Variants in PCDHGB1 observed in about 807,000 individuals in gnomAD.
PCDHGB1 encodes the protein protocadherin gamma subfamily B, 1, also known as protocadherin gamma-B1.
PCDHGB1 carries 34 observed loss-of-function variants against 56.6 expected under a neutral mutation model. The observed-to-expected ratio is 0.60, with a 90% CI of 0.46 to 0.80. The LOEUF (loss-of-function observed/expected upper bound fraction) is 0.80. Among genes scored for constraint, PCDHGB1 ranks in the 30% least tolerant of loss-of-function variants. The pLI is 0.00. For synonymous variants in PCDHGB1, 561 were observed against 505.9 expected (o/e 1.11, Z -1.46); for missense variants, 1,278 against 1,204.6 (o/e 1.06, Z -0.90).
intron 1 of PCDHGB1, chr5:141,427,597 T>C: frequency 1.5e-6 from 1 of 682,152 alleles, no homozygotes; most frequent in Non-Finnish European, 2.7e-6. Context: ...AGCCTCACCC[T>C]ACGCATTGGT....
At position 141,477,576 on chromosome 5, in the gene PCDHGB1, C is replaced by A; in HGVS notation, c.2410-17231C>A. The A allele has an allele frequency of 6.2e-7, 1 of 1,614,162 alleles. No homozygotes were observed. The highest frequency in any genetic ancestry group is 8.5e-7 in the Non-Finnish European group (1 of 1,180,026). On this transcript the variant is annotated intron_variant, in intron 1 of 3. Transcript: ENST00000523390. The surrounding 1 kb of genome is among the most constrained non-coding windows in gnomAD (Gnocchi z 4.9). ...CTAAGTGTCTGGGACCCCGACGCCC[C>A]GCAGAATGCTCGGCTTTCTTTCTTT...
chr5:141,351,557 A>G lies in PCDHGB1; in HGVS notation c.1297A>G (p.Ser433Gly). Residue 433 changes from serine (S) to glycine (G), a missense_variant, in exon 1 of 4, where the codon AGC becomes GGC. Coordinates refer to ENST00000523390, the MANE Select transcript of PCDHGB1 (RefSeq NM_018922.3). ...KGKPALSSRT[S>G]ITLHISDIND... Reference sequence around the variant, plus strand: ...CAAACCAGCCCTTTCCTCCAGGACAAGCATCACCCTGCACATCTCCGACAT... The same window carrying G: ...CAAACCAGCCCTTTCCTCCAGGACAGGCATCACCCTGCACATCTCCGACAT... 2 of 1,614,024 alleles carry G rather than the reference A, an allele frequency of 1.2e-6. No individual in the cohort carries two copies. The highest frequency in any genetic ancestry group is 1.7e-6 in the Non-Finnish European group (2 of 1,179,896).
intron 1 of PCDHGB1, among the ~76,000 whole-genome samples, chr5:141,406,594 G>A (rs1463823326): frequency 1.3e-5 from 2 of 152,068 alleles, no homozygotes; most frequent in Non-Finnish European, 2.9e-5. Context: ...CCCTTTAATG[G>A]TGAAAGTTGT....
At chr5:141,507,797 C>T (rs933921827) in intron 3 of PCDHGB1, among the ~76,000 whole-genome samples, 3 of 152,240 alleles carry the variant, frequency 2.0e-5, no homozygotes, top group Non-Finnish European at 2.9e-5. Flanking sequence ...TCTAAGCCTG[C>T]GCCCTGGGGA....
intron 2 of PCDHGB1, among the ~76,000 whole-genome samples, chr5:141,497,643 G>A (rs773129390): frequency 6.6e-6 from 1 of 151,192 alleles, no homozygotes; most frequent in African/African-American, 2.4e-5. Context: ...AGGTTCAAGC[G>A]ATTCTCCTGC....
At chr5:141,410,438 G>T (rs957017717) in intron 1 of PCDHGB1, 1 of 1,613,894 alleles carries the variant, frequency 6.2e-7, no homozygotes, top group African/African-American at 1.3e-5. Flanking sequence ...CTACAGTGAG[G>T]GGACTTTGCC....
intron 1 of PCDHGB1, among the ~76,000 whole-genome samples, chr5:141,455,138 T>C (rs1393664563): frequency 6.6e-6 from 1 of 151,028 alleles, no homozygotes; most frequent in Non-Finnish European, 1.5e-5. Context: ...TTACACTGTG[T>C]TAAATAAATA....
intron 1 of PCDHGB1, chr5:141,374,320 G>T (rs1425393222): frequency 1.2e-6 from 2 of 1,613,960 alleles, no homozygotes; most frequent in Admixed American, 3.3e-5. Context: ...CTCTGAATCC[G>T]CGAAACGGCA....
chr5:141,400,217 T>G, intron 1 of PCDHGB1: 1 of 1,614,034 alleles, frequency 6.2e-7, no homozygotes, highest in Non-Finnish European at 8.5e-7. Context: ...TTGATCTCAG[T>G]GCTCTTCCTC....
chr5:141,504,949 G>A (rs1234166109), intron 2 of PCDHGB1, among the ~76,000 whole-genome samples: 5 of 152,098 alleles, frequency 3.3e-5, no homozygotes, highest in Non-Finnish European at 1.5e-5. Context: ...AATGCACTAT[G>A]TTCAATGCAT....
intron 1 of PCDHGB1, among the ~76,000 whole-genome samples, chr5:141,454,172 CAGCTAAAGG>C (rs1351117555): frequency 6.6e-6 from 1 of 152,126 alleles, no homozygotes; most frequent in Admixed American, 6.5e-5. Context: ...TCTAGAAGGG[CAGCTAAAGG>C]AGCTTAGTGA....
chr5:141,489,085 G>A lies in PCDHGB1; in HGVS notation c.2410-5722G>A, dbSNP rs1347512723. The A allele has an allele frequency of 2.6e-5, 6 of 230,066 alleles. No homozygotes were observed. The South Asian group carries it at 4.3e-4, about 16-fold the overall frequency. 14.3% of individuals were successfully genotyped at this position (230,066 alleles called of 1,614,324 possible). A position where few individuals can be genotyped will look rare whatever the true frequency, so the allele number is the denominator to read the frequency against. Reference sequence around the variant, plus strand: ...TCCCCCCTGCCCACCCCCGCCACTCGGTGACTAAGAACTGCTGCAAGCAGG... The same window carrying A: ...TCCCCCCTGCCCACCCCCGCCACTCAGTGACTAAGAACTGCTGCAAGCAGG... On this transcript the variant is annotated intron_variant, in intron 1 of 3. Coordinates refer to ENST00000523390, the MANE Select transcript of PCDHGB1 (RefSeq NM_018922.3). The surrounding 1 kb of genome is among the most constrained non-coding windows in gnomAD (Gnocchi z 4.5).
chr5:141,361,071 A>G (rs1453413106), intron 1 of PCDHGB1: 1 of 1,613,984 alleles, frequency 6.2e-7, no homozygotes, highest in South Asian at 1.1e-5. Context: ...TTGAGATTGC[A>G]AGTAGTTACA....
intron 1 of PCDHGB1, chr5:141,404,432 GATACC>G: frequency 6.2e-7 from 1 of 1,613,380 alleles, no homozygotes; most frequent in African/African-American, 1.3e-5. Context: ...CTTGGCAGAG[GATACC>G]ATCCAAGGGT....
At chr5:141,358,811 G>A (rs760688230) in intron 1 of PCDHGB1, among the ~76,000 whole-genome samples, 8 of 152,108 alleles carry the variant, frequency 5.3e-5, no homozygotes, top group Non-Finnish European at 1.0e-4. Context: ...TATGATTTAC[G>A]CTGCTTAGTA....
At chr5:141,386,427 C>T (rs2090573409) in intron 1 of PCDHGB1, among the ~76,000 whole-genome samples, 1 of 152,052 alleles carries the variant, frequency 6.6e-6, no homozygotes. Context: ...CTGTAGCCCA[C>T]CTGCATGGGA....
intron 1 of PCDHGB1, chr5:141,360,866 A>T: frequency 6.2e-7 from 1 of 1,614,058 alleles, no homozygotes; most frequent in Non-Finnish European, 8.5e-7. Flanking sequence ...GTGTTCAGCC[A>T]GGACGTGTAC....
chr5:141,403,690 T>G, intron 1 of PCDHGB1: 1 of 1,613,908 alleles, frequency 6.2e-7, no homozygotes, highest in Non-Finnish European at 8.5e-7. Context: ...CTCAACGGAT[T>G]TACCGAGTTA....
At chr5:141,483,534 G>C (rs754118568) in intron 1 of PCDHGB1, among the ~76,000 whole-genome samples, 1 of 152,102 alleles carries the variant, frequency 6.6e-6, no homozygotes, top group Non-Finnish European at 1.5e-5. Flanking sequence ...AAGGAAGCTG[G>C]GTGGTTGACA....
Sources: gnomAD v4.1 joint callset for allele counts (sites outside exome capture counted in the v4.1 genomes callset) on GRCh38, gnomAD v4.1.1 for gene constraint, Gnocchi (gnomAD v3.1) non-coding constraint, MANE v1.5 for transcripts, NCBI Gene and HGNC (gene_info 2026-07-23, HGNC 2026-07-21) for gene names.